Variants in LRRTM3 observed in about 807,000 individuals in gnomAD.
The protein encoded by LRRTM3 is leucine rich repeat transmembrane neuronal 3.
In LRRTM3, 24 loss-of-function variants were observed where a neutral mutation model predicts 44.7. That is an observed-to-expected ratio of 0.54 (90% CI 0.39 to 0.76). LRRTM3 has a LOEUF of 0.76. LRRTM3 is among the 30% of genes least tolerant of loss of function. LRRTM3 has a pLI of 0.00. For synonymous variants in LRRTM3, 277 were observed against 278.7 expected (o/e 0.99, Z 0.06); for missense variants, 587 against 702.2 (o/e 0.84, Z 1.85).
Position 66,927,526 on chromosome 10 carries a change from A to G in LRRTM3, c.610A>G (p.Met204Val), listed in dbSNP as rs770808958. 2 of 1,614,194 alleles carry G rather than the reference A, an allele frequency of 1.2e-6. No homozygotes were observed. Among genetic ancestry groups the G allele is most frequent in the East Asian group, 2.2e-5 (1 of 44,880 alleles). ...TTTAGCCAGGAATGTCTTTGCTGGC[A>G]TGATCAGACTCAAAGAACTTCACCT... ...RSLARNVFAGMIRLKELHLEH... is the reference protein window; with the variant it reads ...RSLARNVFAGVIRLKELHLEH... Residue 204 changes from methionine (M) to valine (V), a missense_variant, in exon 2 of 3, where the codon ATG becomes GTG. Physicochemically the swap from Met to Val is conservative, Grantham distance 21. Coordinates refer to ENST00000361320, the MANE Select transcript of LRRTM3 (RefSeq NM_178011.5). The surrounding 1 kb of genome is among the most constrained non-coding windows in gnomAD (Gnocchi z 4.7).
At position 66,939,667 on chromosome 10, in the gene LRRTM3, T is replaced by C. The variant is rs558089391; in HGVS notation, c.1536+11215T>C. ...TACAGACCATCCATATCCCTTTTCATGTGAAGTATCTGTCAGCCTCTGGAC... is the reference window on the plus strand; with the variant it reads ...TACAGACCATCCATATCCCTTTTCACGTGAAGTATCTGTCAGCCTCTGGAC... On this transcript the variant is annotated intron_variant, in intron 2 of 2. Coordinates refer to ENST00000361320, the MANE Select transcript of LRRTM3 (RefSeq NM_178011.5). Among the ~76,000 whole-genome samples the C allele has an allele frequency of 9.6e-4, 147 of 152,346 alleles. 2 individuals are homozygous for C. Among genetic ancestry groups the C allele is most frequent in the African/African-American group, 3.2e-3 (135 of 41,590 alleles).
intron 2 of LRRTM3, among the ~76,000 whole-genome samples, chr10:67,064,119 G>A (rs1034910903): frequency 3.3e-5 from 5 of 152,136 alleles, no homozygotes; most frequent in African/African-American, 1.2e-4. Flanking sequence ...CTTCCCAGAT[G>A]TGTTAGCCTA....
At chr10:67,094,051 T>G (rs1857820182) in intron 2 of LRRTM3, among the ~76,000 whole-genome samples, 1 of 151,912 alleles carries the variant, frequency 6.6e-6, no homozygotes, top group Non-Finnish European at 1.5e-5. Flanking sequence ...TGTAAAAATC[T>G]AATACCCTAA....
intron 2 of LRRTM3, among the ~76,000 whole-genome samples, chr10:67,058,622 C>T (rs577670135): frequency 5.8e-4 from 88 of 151,930 alleles, no homozygotes; most frequent in African/African-American, 1.1e-3. Context: ...TTTTTCTGTG[C>T]GCAGAAGCCC....
Position 67,031,426 on chromosome 10 carries a change from C to A in LRRTM3, c.1537-66161C>A, listed in dbSNP as rs527810820. On this transcript the variant is annotated intron_variant, in intron 2 of 2. Transcript: ENST00000361320. The stretch of plus-strand genomic sequence containing the variant: ...GGCTACATTATCCCTTTCTACTATA[C>A]ATTGTGCTTATCACTAATGTATTGA... Among the ~76,000 whole-genome samples, 4 of 152,280 alleles carry A rather than the reference C, an allele frequency of 2.6e-5. No homozygotes were observed. In the South Asian group the frequency reaches 6.2e-4, roughly 24 times the overall value.
At chr10:67,028,586 A>G (rs978619855) in intron 2 of LRRTM3, among the ~76,000 whole-genome samples, 1 of 151,938 alleles carries the variant, frequency 6.6e-6, no homozygotes, top group Non-Finnish European at 1.5e-5. Context: ...AGCATGTGCA[A>G]TGAGAATTTT....
chr10:67,092,999 C>A (rs1384947738), intron 2 of LRRTM3, among the ~76,000 whole-genome samples: 1 of 151,970 alleles, frequency 6.6e-6, no homozygotes, highest in Admixed American at 6.6e-5. Context: ...TTTTATACCC[C>A]TGAATCTCCA....
intron 2 of LRRTM3, among the ~76,000 whole-genome samples, chr10:67,054,387 G>T (rs1855296104): frequency 6.6e-6 from 1 of 151,934 alleles, no homozygotes; most frequent in Non-Finnish European, 1.5e-5. Context: ...AAAGCTAAGT[G>T]ACCAATGAGG....
In LRRTM3 at chr10:66,928,037, C is replaced by G. The variant is rs769251127; in HGVS notation, c.1121C>G (p.Ala374Gly). The G allele has an allele frequency of 2.0e-5, 33 of 1,613,982 alleles. No homozygotes were observed. Among genetic ancestry groups the G allele is most frequent in the Non-Finnish European group, 2.8e-5 (33 of 1,180,048 alleles). The change falls in exon 2 of 3, where the codon GCT (alanine) becomes GGT (glycine). Residue 374 changes from alanine to glycine, a missense_variant. By Grantham distance (60) the Ala-to-Gly change is moderately conservative. Transcript: ENST00000361320. ...ACAGAGAGGTTTGATCTGGCCAGGG[C>G]TCTCCCAAAGCCGACGTTTAAGCCC... ...STTERFDLAR[A>G]LPKPTFKPKL...
intron 2 of LRRTM3, among the ~76,000 whole-genome samples, chr10:67,094,181 A>G (rs886927554): frequency 6.6e-6 from 1 of 152,002 alleles, no homozygotes; most frequent in Admixed American, 6.6e-5. Context: ...CTCATTATAA[A>G]TAATTAGAAG....
intron 2 of LRRTM3, among the ~76,000 whole-genome samples, chr10:67,079,543 T>C (rs1222744126): frequency 6.6e-6 from 1 of 152,056 alleles, no homozygotes; most frequent in Non-Finnish European, 1.5e-5. Flanking sequence ...ATTAGGAAGA[T>C]AAAACATAAC....
rs553455676 is a variant in LRRTM3 at position 66,988,566 on chromosome 10, C to A, written c.1536+60114C>A. On this transcript the variant is annotated intron_variant, in intron 2 of 2. Transcript: ENST00000361320. ...TTCTGAATTTAAATCTATTTTTAGA[C>A]CTGCATGCATTATTTTATATAGTAT... Among the ~76,000 whole-genome samples, 14 of 152,160 alleles carry A rather than the reference C, an allele frequency of 9.2e-5. 2 individuals are homozygous for A. The highest frequency in any genetic ancestry group is 3.4e-3 in the Middle Eastern group (1 of 294).
chr10:66,972,726 T>TTTTTTTA (rs1849794564), intron 2 of LRRTM3, among the ~76,000 whole-genome samples: 1 of 86,648 alleles, frequency 1.2e-5, no homozygotes, highest in Non-Finnish European at 2.5e-5. Flanking sequence ...TTTTTTTTTT[T>TTTTTTTA]ATGAAATGGA....
chr10:67,078,547 C>G, intron 2 of LRRTM3, among the ~76,000 whole-genome samples: 1 of 151,894 alleles, frequency 6.6e-6, no homozygotes, highest in East Asian at 1.9e-4. Context: ...GAAGGAGTCT[C>G]GCTCTGTCGC....
chr10:66,936,928 G>C (rs954530986), intron 2 of LRRTM3, among the ~76,000 whole-genome samples: 4 of 152,134 alleles, frequency 2.6e-5, no homozygotes, highest in African/African-American at 9.7e-5. Context: ...TAGCCAGCAG[G>C]GTTGGGGAAA....
chr10:67,018,667 C>G (rs1019902394), intron 2 of LRRTM3, among the ~76,000 whole-genome samples: 1 of 152,196 alleles, frequency 6.6e-6, no homozygotes, highest in African/African-American at 2.4e-5. Context: ...GCCTTTTTAA[C>G]CGTGGACAAG....
chr10:67,049,095 C>G (rs1220125078), intron 2 of LRRTM3, among the ~76,000 whole-genome samples: 1 of 149,796 alleles, frequency 6.7e-6, no homozygotes, highest in Non-Finnish European at 1.5e-5. Flanking sequence ...ACATTTATAA[C>G]TTGTGGTCTA....
chr10:67,054,435 G>C (rs1462364302), intron 2 of LRRTM3, among the ~76,000 whole-genome samples: 3 of 152,126 alleles, frequency 2.0e-5, no homozygotes, highest in African/African-American at 7.2e-5. Context: ...AAGTCAATCT[G>C]AGCTTCTTCA....
At chr10:66,965,000 A>T (rs909416839) in intron 2 of LRRTM3, among the ~76,000 whole-genome samples, 2 of 152,238 alleles carry the variant, frequency 1.3e-5, no homozygotes, top group African/African-American at 4.8e-5. Flanking sequence ...TTCTGCAATA[A>T]GATTGCCACG....
Sources: gnomAD v4.1 joint callset for allele counts (sites outside exome capture counted in the v4.1 genomes callset) on GRCh38, gnomAD v4.1.1 for gene constraint, Gnocchi (gnomAD v3.1) non-coding constraint, MANE v1.5 for transcripts, NCBI Gene and HGNC (gene_info 2026-07-23, HGNC 2026-07-21) for gene names.